Variants in SYBU observed in about 807,000 individuals in gnomAD.
The protein encoded by SYBU is syntabulin, also known as GOLSYN A protein.
Under a neutral mutation model 35.9 loss-of-function variants are expected in SYBU, and 21 were observed. That is an observed-to-expected ratio of 0.58 (90% CI 0.41 to 0.84). The LOEUF (loss-of-function observed/expected upper bound fraction) is 0.84, where lower values mean the gene tolerates loss of function less well. Ranked by LOEUF, SYBU falls within the 40% of genes least tolerant of loss-of-function variation. SYBU has a pLI of 0.00. For missense variants in SYBU, 768 were observed against 848.2 expected, an observed-to-expected ratio of 0.91 and a Z score of 1.17; for synonymous variants, 319 against 324.3, an observed-to-expected ratio of 0.98 and a Z score of 0.18.
At chr8:109,592,199 A>C (rs1316604284) in intron 3 of SYBU, among the ~76,000 whole-genome samples, 5 of 152,192 alleles carry the variant, frequency 3.3e-5, no homozygotes, top group Non-Finnish European at 7.3e-5. Flanking sequence ...AAAGACCTAT[A>C]ATAGGAAATG....
At chr8:109,652,082 A>G (rs1213136873) in intron 1 of SYBU, among the ~76,000 whole-genome samples, 1 of 152,214 alleles carries the variant, frequency 6.6e-6, no homozygotes, top group African/African-American at 2.4e-5. Context: ...GTATTCAAAG[A>G]TGAACAATGA....
chr8:109,670,056 T>C (rs564128371), intron 1 of SYBU, among the ~76,000 whole-genome samples: 18 of 152,222 alleles, frequency 1.2e-4, no homozygotes, highest in South Asian at 4.1e-4. Flanking sequence ...TCTGTTTTAT[T>C]ATTCTGTTAT....
At chr8:109,629,498 G>A (rs1270616697) in intron 2 of SYBU, among the ~76,000 whole-genome samples, 5 of 152,218 alleles carry the variant, frequency 3.3e-5, no homozygotes, top group Non-Finnish European at 7.3e-5. Flanking sequence ...GTGGCAGAGT[G>A]TAGTATGAAT....
At chr8:109,634,362 A>G (rs1813979275) in intron 2 of SYBU, among the ~76,000 whole-genome samples, 1 of 152,204 alleles carries the variant, frequency 6.6e-6, no homozygotes, top group East Asian at 1.9e-4. Context: ...TGACATTTAG[A>G]GATGCTAAAC....
chr8:109,580,718 T>G (rs1489961344), intron 4 of SYBU, among the ~76,000 whole-genome samples: 1 of 152,036 alleles, frequency 6.6e-6, no homozygotes, highest in African/African-American at 2.4e-5. Context: ...TTCACTATCC[T>G]CCTCAAAGCC....
At chr8:109,649,825 A>T (rs1463264515) in intron 1 of SYBU, among the ~76,000 whole-genome samples, 1 of 152,204 alleles carries the variant, frequency 6.6e-6, no homozygotes, top group Non-Finnish European at 1.5e-5. Context: ...AATGATTGAA[A>T]TTAAGACGCT....
intron 3 of SYBU, among the ~76,000 whole-genome samples, chr8:109,605,118 G>A (rs1311882886): frequency 6.6e-6 from 1 of 152,088 alleles, no homozygotes; most frequent in African/African-American, 2.4e-5. Context: ...GATATGACCC[G>A]AATATCATGA....
At chr8:109,664,422 T>A (rs1276082963) in intron 1 of SYBU, among the ~76,000 whole-genome samples, 3 of 152,184 alleles carry the variant, frequency 2.0e-5, no homozygotes, top group Non-Finnish European at 4.4e-5. Flanking sequence ...CTATACCATA[T>A]GGCTGAATTC....
chr8:109,647,246 G>T (rs542181120), upstream of SYBU: 4 of 151,738 alleles, frequency 2.6e-5, no homozygotes, highest in Non-Finnish European at 5.9e-5. Flanking sequence ...TTTGGTCCCT[G>T]CCACTCTTCC....
At chr8:109,607,808 TCACACACACACACACACACA>T (rs71305960) in intron 3 of SYBU, 176 of 377,198 alleles carry the variant, frequency 4.7e-4, no homozygotes, top group Non-Finnish European at 6.4e-4. Context: ...CACAACTAAC[TCACACACACACACACACACA>T]CACACACACA....
At chr8:109,640,722 A>C (rs1814757278) in intron 2 of SYBU, among the ~76,000 whole-genome samples, 1 of 151,888 alleles carries the variant, frequency 6.6e-6, no homozygotes, top group Non-Finnish European at 1.5e-5. Flanking sequence ...TCAAATATAA[A>C]GAAATAAGTT....
intron 2 of SYBU, among the ~76,000 whole-genome samples, chr8:109,635,999 A>G (rs1814182177): frequency 6.6e-6 from 1 of 152,204 alleles, no homozygotes; most frequent in South Asian, 2.1e-4. Context: ...GATGGCACAC[A>G]TATCCAGTTC....
intron 3 of SYBU, among the ~76,000 whole-genome samples, chr8:109,596,629 A>G (rs1824913267): frequency 6.6e-6 from 1 of 152,162 alleles, no homozygotes; most frequent in Admixed American, 6.5e-5. Context: ...TTTTGGGACA[A>G]TTTTCATTCA....
At chr8:109,643,244 C>T in intron 1 of SYBU, 1 of 1,006,712 alleles carries the variant, frequency 9.9e-7, no homozygotes. Flanking sequence ...CACCTTCCCA[C>T]CCTGACTTCT....
At chr8:109,648,264 T>TATATATAATA (rs1815911802), upstream of SYBU, among the ~76,000 whole-genome samples, 5 of 145,184 alleles carry the variant, frequency 3.4e-5, 1 homozygote, top group East Asian at 9.9e-4. Context: ...TATACAATAA[T>TATATATAATA]ATATATATAT....
chr8:109,603,866 G>A (rs902139891), intron 3 of SYBU, among the ~76,000 whole-genome samples: 1 of 152,150 alleles, frequency 6.6e-6, no homozygotes, highest in South Asian at 2.1e-4. Flanking sequence ...ATAGGATCTG[G>A]GAGGAGTGTG....
chr8:109,676,629 A>G (rs1817200354), intron 1 of SYBU, among the ~76,000 whole-genome samples: 1 of 152,236 alleles, frequency 6.6e-6, no homozygotes, highest in African/African-American at 2.4e-5. Context: ...GGGTTTCATT[A>G]TAAATCGCAG....
At position 109,607,805 on chromosome 8, in the gene SYBU, A is replaced by AACAC. The variant is rs1157913419; in HGVS notation, c.427+11036_427+11037insGTGT. ...GGCTCCATTTTGGCCTACCACAACT[A>AACAC]ACTCACACACACACACACACACACA... On this transcript the variant is annotated intron_variant, in intron 3 of 6. Coordinates refer to ENST00000276646, the MANE Select transcript of SYBU (RefSeq NM_001099754.2). 520 of 332,216 alleles carry AACAC rather than the reference A, an allele frequency of 1.6e-3. 1 individual carries two copies. Among genetic ancestry groups the AACAC allele is most frequent in the Non-Finnish European group, 2.0e-3 (408 of 206,260 alleles). 20.6% of individuals were successfully genotyped at this position (332,216 alleles called of 1,614,324 possible).
At chr8:109,640,012 T>C (rs1341638873) in intron 2 of SYBU, among the ~76,000 whole-genome samples, 1 of 152,034 alleles carries the variant, frequency 6.6e-6, no homozygotes, top group Non-Finnish European at 1.5e-5. Context: ...ACTCAAACCT[T>C]GGGGAACTGA....
Sources: allele counts gnomAD v4.1 joint callset (sites outside exome capture counted in the v4.1 genomes callset), GRCh38; gene constraint gnomAD v4.1.1; transcripts MANE v1.5; gene names NCBI Gene and HGNC (gene_info 2026-07-23, HGNC 2026-07-21).